Variants in SLC25A19 observed in about 807,000 individuals in gnomAD.
SLC25A19 encodes mitochondrial thiamine pyrophosphate carrier.
Under a neutral mutation model 27.9 loss-of-function variants are expected in SLC25A19, and 18 were observed. The ratio of observed to expected loss-of-function variants is 0.64; its 90% CI spans 0.45 to 0.96. SLC25A19 has a LOEUF of 0.96. SLC25A19 is among the 40% of genes least tolerant of loss of function. SLC25A19 has a pLI of 0.00. For missense variants in SLC25A19, 371 were observed against 418.3 expected, an observed-to-expected ratio of 0.89 and a Z score of 0.99; for synonymous variants, 169 against 167.1, an observed-to-expected ratio of 1.01 and a Z score of -0.09.
At chr17:75,273,870 C>T (rs1467500154) in intron 7 of SLC25A19, 11 of 454,172 alleles carry the variant, frequency 2.4e-5, no homozygotes, top group Non-Finnish European at 4.5e-5. Context: ...AAGTGATTCT[C>T]CTGCCTCAGC....
At chr17:75,286,550 G>C in intron 3 of SLC25A19, 83 bp downstream of exon 3, 2 of 1,613,852 alleles carry the variant, frequency 1.2e-6, no homozygotes, top group Non-Finnish European at 1.7e-6. Flanking sequence ...CATCTGGATA[G>C]AATTCCAAGT....
chr17:75,284,007 G>C (rs2078120756), intron 4 of SLC25A19, among the ~76,000 whole-genome samples: 1 of 151,970 alleles, frequency 6.6e-6, no homozygotes, highest in Non-Finnish European at 1.5e-5. Flanking sequence ...CCAGGTACTT[G>C]GGGGGCTGAG....
intron 6 of SLC25A19, 107 bp downstream of exon 6, chr17:75,278,045 C>G: frequency 8.2e-7 from 1 of 1,219,998 alleles, no homozygotes; most frequent in Admixed American, 1.8e-5. Context: ...TACAGAGACC[C>G]GCGGTCTTTG....
At chr17:75,280,870 C>T (rs576720071) in intron 5 of SLC25A19, among the ~76,000 whole-genome samples, 16 of 148,066 alleles carry the variant, frequency 1.1e-4, no homozygotes, top group Non-Finnish European at 1.5e-4. Context: ...ATCTGGGAGG[C>T]GGTCACAGTG....
In SLC25A19 at chr17:75,286,372, C is replaced by A. The variant is rs745759818; in HGVS notation, c.220G>T (p.Gly74Cys). 1 of 1,614,138 alleles carries A rather than the reference C, an allele frequency of 6.2e-7. No homozygotes were observed. Among genetic ancestry groups the A allele is most frequent in the Admixed American group, 1.7e-5 (1 of 60,010 alleles). The change falls in exon 4 of 8, where the codon GGT (glycine) becomes TGT (cysteine). Residue 74 changes from glycine (G) to cysteine (C), a missense_variant. By Grantham distance (159) the Gly-to-Cys change is radical. Transcript: ENST00000416858. ...TGTCCTTTCCAGAAAGCTGTCGGAC[C>A]CTCCTCCTGCAGAATCTGCCTAGAG... ...QASRQILQEE[G>C]PTAFWKGHVP...
chr17:75,284,222 G>A (rs910501623), intron 4 of SLC25A19, among the ~76,000 whole-genome samples: 16 of 151,794 alleles, frequency 1.1e-4, no homozygotes, highest in African/African-American at 3.4e-4. Flanking sequence ...GGCCAATATG[G>A]TGGAACCCTG....
chr17:75,276,011 T>G (rs2077877314), intron 7 of SLC25A19, among the ~76,000 whole-genome samples: 1 of 151,712 alleles, frequency 6.6e-6, no homozygotes, highest in South Asian at 2.1e-4. Context: ...CAGTGGCTCA[T>G]GCCTGTAATC....
rs192824470 is a variant in SLC25A19 at position 75,277,222 on chromosome 17, G to C, written c.774+131C>G. On this transcript the variant is annotated intron_variant, in intron 7 of 7. Transcript: ENST00000416858. ...TTTCCCACATGCTTAGGGATCTCAA[G>C]GAATGGACGCAGGTGAAGGGGCCAT... 0.065 allele frequency: 77,797 copies of C among 1,198,050 alleles called. 3,138 individuals are homozygous for C. The highest frequency in any genetic ancestry group is 0.12 in the Middle Eastern group (410 of 3,480). The allele number at this position is 1,198,050 out of a possible 1,614,324, so 74.2% of individuals were successfully genotyped here. A position where few individuals can be genotyped will look rare whatever the true frequency, so the allele number is the denominator to read the frequency against.
rs2077792141 is a variant in SLC25A19 at position 75,273,856 on chromosome 17, G to A, written c.775-217C>T. On this transcript the variant is annotated intron_variant, in intron 7 of 7. Transcript: ENST00000416858. The stretch of plus-strand genomic sequence containing the variant: ...GCTCACTGCAGCCTCTGCCTCCCAG[G>A]TTCAAGTGATTCTCCTGCCTCAGCC... 6 of 488,682 alleles carry A rather than the reference G, an allele frequency of 1.2e-5. No individual in the cohort carries two copies. The East Asian group carries it at 2.1e-4, about 17-fold the overall frequency. The allele number at this position is 488,682 out of a possible 1,614,324, so 30.3% of individuals were successfully genotyped here.
Position 75,286,614 on chromosome 17 carries a change from G to A in SLC25A19, c.132+19C>T. The A allele has an allele frequency of 6.2e-7, 1 of 1,614,112 alleles. No homozygotes were observed. Among genetic ancestry groups the A allele is most frequent in the African/African-American group, 1.3e-5 (1 of 75,024 alleles). ...GAACTTGTCCTCCAGTCCATTGCAT[G>A]GAAAAAGGGGAAGAGTACCTGGAAA... On this transcript the variant is annotated intron_variant, in intron 3 of 7. Coordinates refer to ENST00000416858, the MANE Select transcript of SLC25A19 (RefSeq NM_001126121.2).
At chr17:75,282,185 C>T (rs1166201080) in intron 5 of SLC25A19, among the ~76,000 whole-genome samples, 2 of 151,988 alleles carry the variant, frequency 1.3e-5, no homozygotes, top group African/African-American at 2.4e-5. Context: ...CCCAGGAGGT[C>T]GAGGCTTCAG....
chr17:75,287,886 G>A (rs1192386614), intron 2 of SLC25A19, among the ~76,000 whole-genome samples: 1 of 152,226 alleles, frequency 6.6e-6, no homozygotes, highest in African/African-American at 2.4e-5. Context: ...GCTCACGCCT[G>A]TAATCCCAGC....
chr17:75,282,217 CACTGCAG>C (rs2078055354), intron 5 of SLC25A19, among the ~76,000 whole-genome samples: 1 of 151,960 alleles, frequency 6.6e-6, no homozygotes, highest in Admixed American at 6.6e-5. Flanking sequence ...CATGCCACTG[CACTGCAG>C]CCTAGGCAAC....
intron 5 of SLC25A19, 50 bp downstream of exon 5, chr17:75,283,373 A>T (rs746389034): frequency 6.3e-7 from 1 of 1,585,430 alleles, no homozygotes; most frequent in African/African-American, 1.3e-5. Context: ...TACCCCTGTG[A>T]CAACACCTTC....
Position 75,278,323 on chromosome 17 carries a change from G to A in SLC25A19, c.472C>T (p.Leu158=). Residue 158 remains leucine, a synonymous_variant, in exon 6 of 8, where the codon CTG becomes TTG. Coordinates refer to ENST00000416858, the MANE Select transcript of SLC25A19 (RefSeq NM_001126121.2). ...AQGEPKVYNT[L]RHAVGTMYRS... is the part of the protein sequence containing the mutation. The stretch of plus-strand genomic sequence containing the variant: ...TACATGGTCCCCACGGCGTGGCGCA[G>A]CGTATTATAGACCTGGACACACACA... 9 of 1,614,108 alleles carry A rather than the reference G, an allele frequency of 5.6e-6. No homozygotes were observed. Among genetic ancestry groups the A allele is most frequent in the Non-Finnish European group, 7.6e-6 (9 of 1,180,028 alleles).
At position 75,278,290 on chromosome 17, in the gene SLC25A19, C is replaced by T. The variant is rs759157320; in HGVS notation, c.505G>A (p.Glu169Lys). The change falls in exon 6 of 8, where the codon GAA (glutamate) becomes AAA (lysine). Residue 169 changes from glutamate to lysine, a missense_variant. By Grantham distance (56) the Glu-to-Lys change is moderately conservative. Transcript: ENST00000416858. ...RHAVGTMYRS[E>K]GPQVFYKGLA... The stretch of plus-strand genomic sequence containing the variant: ...CCTTTGTAGAAAACCTGGGGGCCTT[C>T]GCTCCTATACATGGTCCCCACGGCG... The T allele has an allele frequency of 8.1e-6, 13 of 1,613,938 alleles. No individual in the cohort carries two copies. Among genetic ancestry groups the T allele is most frequent in the East Asian group, 4.5e-5 (2 of 44,888 alleles).
chr17:75,280,884 T>A (rs2078022789), intron 5 of SLC25A19, among the ~76,000 whole-genome samples: 1 of 144,200 alleles, frequency 6.9e-6, no homozygotes, highest in African/African-American at 2.6e-5. Context: ...CACAGTGAGC[T>A]GAGATTGTGC....
At chr17:75,277,237 G>A in intron 7 of SLC25A19, 116 bp downstream of exon 7, 1 of 1,363,304 alleles carries the variant, frequency 7.3e-7, no homozygotes, top group Non-Finnish European at 1.0e-6. Context: ...GGACGCAGGT[G>A]AAGGGGCCAT....
rs1179454040 is a variant in SLC25A19, at chr17:75,289,423, A to G, written c.-198T>C. 6.6e-6 allele frequency: 1 copy of G among 152,268 alleles called. No individual in the cohort carries two copies. Among genetic ancestry groups the G allele is most frequent in the Admixed American group, 6.5e-5 (1 of 15,272 alleles). 9.4% of individuals were successfully genotyped at this position (152,268 alleles called of 1,614,324 possible). A position where few individuals can be genotyped will look rare whatever the true frequency, so the allele number is the denominator to read the frequency against. ...TAGCTCCTCGCGCAGTCTTAACAGC[A>G]AAACTCTACTGAGCTCGGACGAAAC... On this transcript the variant is annotated 5_prime_UTR_variant, in exon 1 of 8. Transcript: ENST00000416858.
Sources: allele counts gnomAD v4.1 joint callset (sites outside exome capture counted in the v4.1 genomes callset), GRCh38; gene constraint gnomAD v4.1.1; transcripts MANE v1.5; gene names NCBI Gene and HGNC (gene_info 2026-07-23, HGNC 2026-07-21).